The following EFCAB6 variants were observed in gnomAD, a reference collection of about 807,000 sequenced individuals.
The protein encoded by EFCAB6 is EF-hand calcium-binding domain-containing protein 6.
Under a neutral mutation model 169.8 loss-of-function variants are expected in EFCAB6, and 156 were observed. That is an observed-to-expected ratio of 0.92 (90% confidence interval 0.81 to 1.05). EFCAB6 has a LOEUF of 1.05. EFCAB6 is among the 50% of genes least tolerant of loss of function. The pLI, the probability that EFCAB6 is intolerant of heterozygous loss-of-function variation, is 0.00. For missense variants in EFCAB6, 1,800 were observed against 1,829.1 expected (o/e 0.98, Z 0.29); for synonymous variants, 698 against 676.4 (o/e 1.03, Z -0.50).
At chr22:43,562,475 A>G (rs2049098980) in intron 26 of EFCAB6, among the ~76,000 whole-genome samples, 1 of 144,772 alleles carries the variant, frequency 6.9e-6, no homozygotes, top group African/African-American at 2.5e-5. Flanking sequence ...GAATCACCCA[A>G]CAGGCTGCCC....
At chr22:43,711,412 G>A in intron 10 of EFCAB6, 63 bp downstream of exon 10, 1 of 1,442,346 alleles carries the variant, frequency 6.9e-7, no homozygotes, top group South Asian at 1.5e-5. Flanking sequence ...AAACGAAGCT[G>A]TGCCTTATTC....
Position 43,795,540 on chromosome 22 carries a change from G to T in EFCAB6, c.-7-13215C>A, listed in dbSNP as rs957850609. Among the ~76,000 whole-genome samples the T allele has an allele frequency of 6.6e-6, 1 of 151,452 alleles. No individual in the cohort carries two copies. Among genetic ancestry groups the T allele is most frequent in the Non-Finnish European group, 1.5e-5 (1 of 67,950 alleles). ...CGATTCCTCTGCCTTGAGACCTCCT[G>T]GAACATCACTTTCTGGAGAGGCTTC... On this transcript the variant is annotated intron_variant, in intron 2 of 31. Transcript: ENST00000262726. This position sits in a 1 kb window ranked among gnomAD's most constrained non-coding sequence, Gnocchi z 4.2.
At chr22:43,620,434 T>C (rs955370457) in intron 20 of EFCAB6, among the ~76,000 whole-genome samples, 3 of 152,028 alleles carry the variant, frequency 2.0e-5, no homozygotes, top group Non-Finnish European at 4.4e-5. Flanking sequence ...CAGAAGACCA[T>C]GGAACAACAT....
chr22:43,729,568 A>T (rs2059860473), intron 8 of EFCAB6, among the ~76,000 whole-genome samples: 1 of 152,214 alleles, frequency 6.6e-6, no homozygotes, highest in Admixed American at 6.5e-5. Flanking sequence ...ACTCTCCAGG[A>T]GTGGATAGTG....
rs147809540 is a variant in EFCAB6, at chr22:43,620,827, T to C, written c.2466-4905A>G. ...CTTAGTAACTGATAGAATAAGGAGA[T>C]AGAAAATAATGAAGAATATAGAAGG... On this transcript the variant is annotated intron_variant, in intron 20 of 31. Coordinates refer to ENST00000262726, the MANE Select transcript of EFCAB6 (RefSeq NM_022785.4). Among the ~76,000 whole-genome samples, 57 of 152,164 alleles carry C rather than the reference T, an allele frequency of 3.7e-4. No individual in the cohort carries two copies. In the East Asian group the frequency reaches 0.01, roughly 28 times the overall value.
chr22:43,548,580 A>C (rs564384075), intron 27 of EFCAB6, among the ~76,000 whole-genome samples: 74 of 148,064 alleles, frequency 5.0e-4, no homozygotes, highest in Middle Eastern at 3.4e-3. Context: ...AGGTCAACTC[A>C]GTAGGAGGCT....
At position 43,688,701 on chromosome 22, in the gene EFCAB6, G is replaced by T. The variant is rs145431572; in HGVS notation, c.1032-1120C>A. Among the ~76,000 whole-genome samples, 637 of 152,338 alleles carry T rather than the reference G, an allele frequency of 4.2e-3. 3 individuals carry two copies. Among genetic ancestry groups the T allele is most frequent in the Middle Eastern group, 0.014 (4 of 294 alleles). ...GCTAATAGGTCAAAAAGCCTCGGTT[G>T]CAGGCTGGAAAACCAGCAAGCATTC... On this transcript the variant is annotated intron_variant, in intron 10 of 31. Transcript: ENST00000262726.
At chr22:43,566,757 C>T (rs2049461115) in intron 26 of EFCAB6, among the ~76,000 whole-genome samples, 1 of 152,234 alleles carries the variant, frequency 6.6e-6, no homozygotes, top group Non-Finnish European at 1.5e-5. Context: ...CACTCCCATG[C>T]AGGAGTGACA....
intron 21 of EFCAB6, among the ~76,000 whole-genome samples, chr22:43,610,397 C>T (rs1407937663): frequency 1.3e-5 from 2 of 152,128 alleles, no homozygotes; most frequent in African/African-American, 4.8e-5. Context: ...ATCAAGGAAA[C>T]CTGACCAATA....
chr22:43,678,187 G>T, intron 12 of EFCAB6, 24 bp from the exon 13 acceptor site: 2 of 1,508,066 alleles, frequency 1.3e-6, no homozygotes, highest in Middle Eastern at 2.3e-4. Flanking sequence ...TGTATATAAG[G>T]GAATTTTTGA....
chr22:43,632,711 T>A (rs2055071396), intron 18 of EFCAB6, among the ~76,000 whole-genome samples: 1 of 152,194 alleles, frequency 6.6e-6, no homozygotes, highest in African/African-American at 2.4e-5. Context: ...TCTTACTATC[T>A]AGTTTCTTTT....
rs1436818347 is a variant in EFCAB6, at chr22:43,580,715, TATTC to T, written c.3033-60_3033-57del. On this transcript the variant is annotated intron_variant, in intron 24 of 31. Coordinates refer to ENST00000262726, the MANE Select transcript of EFCAB6 (RefSeq NM_022785.4). ...CATTTTAAAAAGCCACCCTACTGCT[TATTC>T]ATTCAACAGTTGCTGAGCACATTGG... is the stretch of plus-strand genomic sequence containing the variant. 4.5e-6 allele frequency: 7 copies of T among 1,570,034 alleles called. No individual in the cohort carries two copies. The African/African-American group carries it at 8.2e-5, about 18-fold the overall frequency.
intron 20 of EFCAB6, among the ~76,000 whole-genome samples, chr22:43,621,859 A>G (rs1185022615): frequency 6.6e-6 from 1 of 152,238 alleles, no homozygotes; most frequent in Admixed American, 6.5e-5. Flanking sequence ...AAGGAATCTC[A>G]CTAAATACTT....
chr22:43,635,426 C>T (rs2055319006), intron 17 of EFCAB6, among the ~76,000 whole-genome samples: 2 of 152,058 alleles, frequency 1.3e-5, no homozygotes, highest in African/African-American at 4.8e-5. Context: ...AGTGAGTGAA[C>T]GAAGGGACAA....
intron 8 of EFCAB6, among the ~76,000 whole-genome samples, chr22:43,722,252 C>A (rs1349471878): frequency 6.6e-6 from 1 of 151,978 alleles, no homozygotes; most frequent in Non-Finnish European, 1.5e-5. Context: ...AAAGGCAGGG[C>A]GTGGTGGCTC....
intron 24 of EFCAB6, 35 bp from the exon 25 acceptor site, chr22:43,580,694 T>A: frequency 6.2e-7 from 1 of 1,605,856 alleles, no homozygotes; most frequent in Non-Finnish European, 8.5e-7. Context: ...CATATTCATT[T>A]TAAAAAGCCA....
chr22:43,640,820 G>C (rs1356507933), intron 17 of EFCAB6, among the ~76,000 whole-genome samples: 1 of 151,944 alleles, frequency 6.6e-6, no homozygotes, highest in Non-Finnish European at 1.5e-5. Context: ...GTTTATACTT[G>C]GTATCTCTGG....
At chr22:43,539,067 A>T (rs2047545143) in intron 28 of EFCAB6, among the ~76,000 whole-genome samples, 1 of 152,130 alleles carries the variant, frequency 6.6e-6, no homozygotes. Context: ...GCATCTCTCT[A>T]GCCCTGAGCC....
chr22:43,727,962 G>T (rs2059799129), intron 8 of EFCAB6, among the ~76,000 whole-genome samples: 1 of 151,612 alleles, frequency 6.6e-6, no homozygotes, highest in Non-Finnish European at 1.5e-5. Flanking sequence ...CTGTTATATA[G>T]GTATACATGT....
Sources: gnomAD v4.1 joint callset for allele counts (sites outside exome capture counted in the v4.1 genomes callset) on GRCh38, gnomAD v4.1.1 for gene constraint, Gnocchi (gnomAD v3.1) non-coding constraint, MANE v1.5 for transcripts, NCBI Gene and HGNC (gene_info 2026-07-23, HGNC 2026-07-21) for gene names.